CDH7: variants seen among roughly 807,000 people sequenced by gnomAD.
The protein encoded by CDH7 is cadherin-7.
A neutral mutation model predicts 71.8 loss-of-function variants in CDH7; 25 were observed. That is an observed-to-expected ratio of 0.35 (90% CI 0.25 to 0.49). The LOEUF (loss-of-function observed/expected upper bound fraction) is 0.49, where lower values mean the gene tolerates loss of function less well. CDH7 is among the 20% of genes least tolerant of loss of function. The probability of loss-of-function intolerance (pLI) is 0.99; values close to 1 mark genes in which losing one functional copy is unlikely to be tolerated. For missense variants in CDH7, 862 were observed against 974.6 expected (o/e 0.88, Z 1.54); for synonymous variants, 381 against 363.8 (o/e 1.05, Z -0.54).
intron 7 of CDH7, among the ~76,000 whole-genome samples, chr18:65,847,054 CAT>C (rs1912960426): frequency 6.6e-6 from 1 of 151,954 alleles, no homozygotes; most frequent in African/African-American, 2.4e-5. Context: ...ATAGATATAA[CAT>C]ATTGTATGGC....
intron 11 of CDH7, among the ~76,000 whole-genome samples, chr18:65,866,707 C>A (rs7244974): frequency 0.54 from 81,381 of 152,042 alleles, 25,612 homozygotes; most frequent in East Asian, 0.92. Flanking sequence ...TATGTTTACG[C>A]CTATATATTG....
At chr18:65,796,228 G>A (rs1055999312) in intron 2 of CDH7, among the ~76,000 whole-genome samples, 4 of 151,866 alleles carry the variant, frequency 2.6e-5, no homozygotes, top group African/African-American at 4.8e-5. Flanking sequence ...AACACAGATC[G>A]TCACTCCCAA....
chr18:65,846,963 C>T (rs1912954147), intron 7 of CDH7, among the ~76,000 whole-genome samples: 1 of 152,058 alleles, frequency 6.6e-6, no homozygotes, highest in South Asian at 2.1e-4. Context: ...TTAATGAAGT[C>T]AGTAAAAGAG....
chr18:65,770,504 C>A (rs140233882), intron 2 of CDH7, among the ~76,000 whole-genome samples: 1 of 152,164 alleles, frequency 6.6e-6, no homozygotes, highest in East Asian at 1.9e-4. Flanking sequence ...ATCTAAACAA[C>A]TCATGGAATT....
In CDH7 at chr18:65,886,104, C is replaced by A. The variant is rs1207537487; in HGVS notation, c.*5210C>A. 1 of 152,084 alleles carries A rather than the reference C, an allele frequency of 6.6e-6. No homozygotes were observed. The highest frequency in any genetic ancestry group is 1.5e-5 in the Non-Finnish European group (1 of 68,014). The allele number at this position is 152,084 out of a possible 1,614,324, so 9.4% of individuals were successfully genotyped here. On this transcript the variant is annotated 3_prime_UTR_variant, in exon 12 of 12. Coordinates refer to ENST00000397968, the MANE Select transcript of CDH7 (RefSeq NM_004361.5). ...CCACATTTTTGCTGTGCCCTAGATGCCATTTTCATTCTCTGAACTTTTATA... is the reference window on the plus strand; with the variant it reads ...CCACATTTTTGCTGTGCCCTAGATGACATTTTCATTCTCTGAACTTTTATA...
chr18:65,885,372 G>GTGTTTT lies in CDH7; in HGVS notation c.*4479_*4480insGTTTTT, dbSNP rs1914342122. ...GTAACTGAAAAGGATGTGTGCCTGT[G>GTGTTTT]TTTTTTTTTTTTTTTTTTTTTTTGA... On this transcript the variant is annotated 3_prime_UTR_variant, in exon 12 of 12. Coordinates refer to ENST00000397968, the MANE Select transcript of CDH7 (RefSeq NM_004361.5). 1.4e-5 allele frequency: 1 copy of GTGTTTT among 69,436 alleles called. No individual in the cohort carries two copies. Among genetic ancestry groups the GTGTTTT allele is most frequent in the Non-Finnish European group, 2.7e-5 (1 of 37,390 alleles). The allele number at this position is 69,436 out of a possible 1,614,324, so 4.3% of individuals were successfully genotyped here. A position where few individuals can be genotyped will look rare whatever the true frequency, so the allele number is the denominator to read the frequency against.
At chr18:65,855,347 C>CA (rs1913314925) in intron 7 of CDH7, among the ~76,000 whole-genome samples, 1 of 95,494 alleles carries the variant, frequency 1.0e-5, no homozygotes. Flanking sequence ...CCAACATTGA[C>CA]AAAGGAAAAA....
In CDH7 at chr18:65,863,142, A is replaced by G. The variant is rs2587405; in HGVS notation, c.1864+225A>G. 0.085 allele frequency: 48,562 copies of G among 571,882 alleles called. 5,063 individuals are homozygous for G. The highest frequency in any genetic ancestry group is 0.38 in the African/African-American group (20,306 of 53,390). 35.4% of individuals were successfully genotyped at this position (571,882 alleles called of 1,614,324 possible). On this transcript the variant is annotated intron_variant, in intron 11 of 11. Transcript: ENST00000397968. The stretch of plus-strand genomic sequence containing the variant: ...AGCCTCTGCCTCCCAGGTTCAAGCA[A>G]TTCTCCCACCTCAGCCTCCCGAGTA...
intron 3 of CDH7, among the ~76,000 whole-genome samples, chr18:65,811,141 G>A (rs181585362): frequency 6.6e-6 from 1 of 150,606 alleles, no homozygotes; most frequent in African/African-American, 2.4e-5. Flanking sequence ...AAATAATAAT[G>A]GAACTTGTAT....
intron 2 of CDH7, among the ~76,000 whole-genome samples, chr18:65,772,083 C>T (rs1233932794): frequency 6.6e-6 from 1 of 152,128 alleles, no homozygotes; most frequent in Non-Finnish European, 1.5e-5. Flanking sequence ...CGTTAAAATG[C>T]TGACATGTTT....
At chr18:65,828,116 C>T (rs1007165037) in intron 6 of CDH7, among the ~76,000 whole-genome samples, 1 of 151,246 alleles carries the variant, frequency 6.6e-6, no homozygotes, top group Admixed American at 6.6e-5. Context: ...AAGCTCCCTC[C>T]ACCTCCAAAC....
intron 7 of CDH7, among the ~76,000 whole-genome samples, chr18:65,848,278 A>G (rs750418865): frequency 2.0e-5 from 3 of 152,192 alleles, no homozygotes; most frequent in African/African-American, 4.8e-5. Context: ...CTGAACAGGC[A>G]TTCATTAAAA....
intron 6 of CDH7, among the ~76,000 whole-genome samples, chr18:65,826,519 C>A (rs1912136454): frequency 1.3e-5 from 2 of 148,748 alleles, no homozygotes; most frequent in African/African-American, 2.4e-5. Context: ...AATTTTTATT[C>A]AAAAATTATT....
At chr18:65,789,468 TTTGTTTG>T (rs1910629749) in intron 2 of CDH7, among the ~76,000 whole-genome samples, 1 of 115,488 alleles carries the variant, frequency 8.7e-6, no homozygotes, top group Non-Finnish European at 1.6e-5. Flanking sequence ...GTGCTATTTT[TTTGTTTG>T]TTTTTTTTTG....
intron 6 of CDH7, among the ~76,000 whole-genome samples, chr18:65,825,635 G>T (rs1459228134): frequency 6.6e-6 from 1 of 151,612 alleles, no homozygotes; most frequent in Non-Finnish European, 1.5e-5. Flanking sequence ...GAAATTTTTT[G>T]TCAGTATGAA....
intron 2 of CDH7, among the ~76,000 whole-genome samples, chr18:65,781,770 C>CTTTTT (rs879658195): frequency 3.8e-5 from 3 of 79,044 alleles, no homozygotes; most frequent in Admixed American, 1.3e-4. Flanking sequence ...TTCTTTCTTT[C>CTTTTT]CTTCCTTCCT....
chr18:65,816,398 G>C (rs1911726108), intron 4 of CDH7, among the ~76,000 whole-genome samples: 1 of 151,980 alleles, frequency 6.6e-6, no homozygotes, highest in Admixed American at 6.6e-5. Flanking sequence ...TATAAATCAA[G>C]GTTCAGTTAG....
At chr18:65,762,431 C>G (rs1916217532) in intron 1 of CDH7, among the ~76,000 whole-genome samples, 1 of 152,102 alleles carries the variant, frequency 6.6e-6, no homozygotes, top group Non-Finnish European at 1.5e-5. Context: ...GAAGATAGTT[C>G]TGCATCAGCT....
At chr18:65,840,254 C>T (rs969831666) in intron 6 of CDH7, among the ~76,000 whole-genome samples, 1 of 152,210 alleles carries the variant, frequency 6.6e-6, no homozygotes, top group Non-Finnish European at 1.5e-5. Context: ...AAAGCTGCTT[C>T]TCTCTTTTAG....
Sources: gnomAD v4.1 joint callset for allele counts (sites outside exome capture counted in the v4.1 genomes callset) on GRCh38, gnomAD v4.1.1 for gene constraint, MANE v1.5 for transcripts, NCBI Gene and HGNC (gene_info 2026-07-23, HGNC 2026-07-21) for gene names.